MAGI2: variants seen among roughly 807,000 people sequenced by gnomAD.
The protein encoded by MAGI2 is membrane-associated guanylate kinase, WW and PDZ domain-containing protein 2.
MAGI2 carries 35 observed loss-of-function variants against 133.3 expected under a neutral mutation model. The ratio of observed to expected loss-of-function variants is 0.26; its 90% CI spans 0.20 to 0.35. The LOEUF (loss-of-function observed/expected upper bound fraction) is 0.35, where lower values mean the gene tolerates loss of function less well. Ranked by LOEUF, MAGI2 falls within the 10% of genes least tolerant of loss-of-function variation. The probability of loss-of-function intolerance (pLI) is 1.00; values close to 1 mark genes in which losing one functional copy is unlikely to be tolerated. For synonymous variants in MAGI2, 729 were observed against 710.6 expected (o/e 1.03, Z -0.41); for missense variants, 1,636 against 1,863.4 (o/e 0.88, Z 2.25).
intron 2 of MAGI2, among the ~76,000 whole-genome samples, chr7:78,684,503 C>A (rs1816055783): frequency 6.6e-6 from 1 of 152,020 alleles, no homozygotes; most frequent in Non-Finnish European, 1.5e-5. Flanking sequence ...TCTTTGGGAG[C>A]CACTGGTTTT....
At chr7:79,331,211 G>T (rs1473127387) in intron 1 of MAGI2, among the ~76,000 whole-genome samples, 2 of 151,926 alleles carry the variant, frequency 1.3e-5, no homozygotes, top group Admixed American at 1.3e-4. Context: ...AAATTTAAAG[G>T]CTTTGTGGTC....
At chr7:78,695,513 G>C (rs1407499805) in intron 2 of MAGI2, among the ~76,000 whole-genome samples, 1 of 152,146 alleles carries the variant, frequency 6.6e-6, no homozygotes, top group Non-Finnish European at 1.5e-5. Flanking sequence ...CTTTCCTCCA[G>C]GCTAAAGAGT....
At chr7:79,222,163 AC>A (rs1156670859) in intron 1 of MAGI2, among the ~76,000 whole-genome samples, 1 of 152,014 alleles carries the variant, frequency 6.6e-6, no homozygotes, top group Non-Finnish European at 1.5e-5. Flanking sequence ...TCCTTCTATG[AC>A]CTCATATTAA....
chr7:79,263,648 A>G (rs1281221654), intron 1 of MAGI2, among the ~76,000 whole-genome samples: 1 of 152,100 alleles, frequency 6.6e-6, no homozygotes, highest in Non-Finnish European at 1.5e-5. Flanking sequence ...TAAATACTTG[A>G]CCCTTGGAAT....
At chr7:78,188,255 C>G (rs968632233) in intron 12 of MAGI2, among the ~76,000 whole-genome samples, 1 of 152,084 alleles carries the variant, frequency 6.6e-6, no homozygotes, top group East Asian at 1.9e-4. Context: ...AATTAGATTT[C>G]CAAATTAATT....
At chr7:79,214,407 C>CTCTATA (rs1554406633) in intron 1 of MAGI2, among the ~76,000 whole-genome samples, 17 of 17,706 alleles carry the variant, frequency 9.6e-4, no homozygotes, top group East Asian at 3.7e-3. Context: ...CTCTCTCTCT[C>CTCTATA]TATATATATA....
At chr7:78,073,068 T>C (rs1814883257) in intron 21 of MAGI2, 1 of 397,486 alleles carries the variant, frequency 2.5e-6, no homozygotes, top group Admixed American at 4.4e-5. Context: ...TGTAAGTCAT[T>C]TTAACTTACT....
chr7:78,052,497 A>G (rs1156775531), intron 21 of MAGI2, among the ~76,000 whole-genome samples: 1 of 152,150 alleles, frequency 6.6e-6, no homozygotes, highest in Non-Finnish European at 1.5e-5. Context: ...AGCCAAATAA[A>G]TCCCTCTGCT....
chr7:78,083,381 A>AGGGG (rs201638758), intron 20 of MAGI2, among the ~76,000 whole-genome samples: 308 of 19,384 alleles, frequency 0.016, 3 homozygotes, highest in Non-Finnish European at 0.026. Flanking sequence ...GGAGGGAGGG[A>AGGGG]GGGGGGGAGA....
At chr7:78,477,929 A>ATT (rs11449464) in intron 6 of MAGI2, among the ~76,000 whole-genome samples, 2 of 151,286 alleles carry the variant, frequency 1.3e-5, no homozygotes, top group South Asian at 2.1e-4. Flanking sequence ...TTTTATTTTT[A>ATT]TTTTTTTATT....
chr7:78,803,260 C>T (rs796449971), intron 2 of MAGI2, among the ~76,000 whole-genome samples: 1 of 151,880 alleles, frequency 6.6e-6, no homozygotes, highest in South Asian at 2.1e-4. Context: ...CTAATAAGAG[C>T]AAGTCAGGAA....
chr7:79,381,216 C>T (rs1233512911), intron 1 of MAGI2, among the ~76,000 whole-genome samples: 2 of 151,586 alleles, frequency 1.3e-5, no homozygotes, highest in African/African-American at 4.8e-5. Flanking sequence ...GTTGTTGTTG[C>T]TTACTGCCTG....
At chr7:78,223,334 G>A (rs1438854879) in intron 10 of MAGI2, among the ~76,000 whole-genome samples, 1 of 151,894 alleles carries the variant, frequency 6.6e-6, no homozygotes, top group Non-Finnish European at 1.5e-5. Context: ...TAAAAAAAAA[G>A]TGCTCTCACA....
At chr7:78,190,419 A>C (rs1201274935) in intron 12 of MAGI2, among the ~76,000 whole-genome samples, 2 of 152,222 alleles carry the variant, frequency 1.3e-5, no homozygotes, top group Non-Finnish European at 2.9e-5. Flanking sequence ...CTTGAACAGT[A>C]ATGATGATTA....
At chr7:78,427,648 GAAC>G (rs1799409482) in intron 6 of MAGI2, among the ~76,000 whole-genome samples, 1 of 65,948 alleles carries the variant, frequency 1.5e-5, no homozygotes, top group East Asian at 5.7e-4. Flanking sequence ...GTAACTGAGA[GAAC>G]AAAAAGACAA....
intron 6 of MAGI2, among the ~76,000 whole-genome samples, chr7:78,408,712 A>G (rs1361489394): frequency 1.3e-5 from 2 of 152,102 alleles, no homozygotes; most frequent in Middle Eastern, 3.2e-3. Flanking sequence ...ATACACATCA[A>G]ATTTTGAAGA....
At chr7:78,194,576 T>C (rs1487087199) in intron 12 of MAGI2, among the ~76,000 whole-genome samples, 2 of 152,194 alleles carry the variant, frequency 1.3e-5, no homozygotes, top group African/African-American at 4.8e-5. Flanking sequence ...TTTCTGTATT[T>C]GGTAACCTAA....
At chr7:78,774,444 A>G (rs1177321328) in intron 2 of MAGI2, among the ~76,000 whole-genome samples, 1 of 152,192 alleles carries the variant, frequency 6.6e-6, no homozygotes, top group Admixed American at 6.5e-5. Flanking sequence ...CTAAAAACCA[A>G]GAATCCTCTT....
At chr7:78,061,112 C>T (rs981005104) in intron 21 of MAGI2, among the ~76,000 whole-genome samples, 6 of 147,834 alleles carry the variant, frequency 4.1e-5, no homozygotes, top group South Asian at 2.1e-4. Context: ...TCCCCTGAGC[C>T]GAGATTGTGC....
Sources: gnomAD v4.1 joint callset for allele counts (sites outside exome capture counted in the v4.1 genomes callset) on GRCh38, gnomAD v4.1.1 for gene constraint, MANE v1.5 for transcripts, NCBI Gene and HGNC (gene_info 2026-07-23, HGNC 2026-07-21) for gene names.